The following INPP5B variants were observed in gnomAD, a reference collection of about 807,000 sequenced individuals.
INPP5B encodes inositol polyphosphate-5-phosphatase B, also known as type II inositol 1,4,5-trisphosphate 5-phosphatase.
In INPP5B, 90 loss-of-function variants were observed where a neutral mutation model predicts 118.5. The ratio of observed to expected loss-of-function variants is 0.76; its 90% confidence interval spans 0.64 to 0.90. INPP5B has a LOEUF of 0.90. Among genes scored for constraint, INPP5B ranks in the 40% least tolerant of loss-of-function variants. INPP5B has a pLI of 0.00. For missense variants in INPP5B, 984 were observed against 1,125.6 expected (o/e 0.87, Z 1.80); for synonymous variants, 385 against 418.9 (o/e 0.92, Z 0.99).
intron 1 of INPP5B, among the ~76,000 whole-genome samples, chr1:37,946,762 A>G (rs1336047489): frequency 6.6e-6 from 1 of 152,082 alleles, no homozygotes; most frequent in Non-Finnish European, 1.5e-5. Flanking sequence ...GGTTCAGGGA[A>G]CATCCCCTTA....
chr1:37,917,013 G>A (rs919542215), intron 7 of INPP5B, among the ~76,000 whole-genome samples: 8 of 150,944 alleles, frequency 5.3e-5, no homozygotes, highest in Admixed American at 3.3e-4. Context: ...GCTTGAGACC[G>A]GGCCCAGTGG....
At chr1:37,864,458 C>G (rs376588823) in intron 22 of INPP5B, 35 bp from the exon 23 acceptor site, 2 of 1,263,086 alleles carry the variant, frequency 1.6e-6, no homozygotes, top group Admixed American at 1.7e-5. Context: ...GTCTTTTGTT[C>G]ACTGAATCAT....
chr1:37,874,497 G>T (rs1184180351), intron 17 of INPP5B, among the ~76,000 whole-genome samples: 1 of 152,106 alleles, frequency 6.6e-6, no homozygotes, highest in Non-Finnish European at 1.5e-5. Flanking sequence ...GACATCTAGG[G>T]CATTAAAAAT....
Position 37,861,251 on chromosome 1 carries a change from CAG to C in INPP5B, c.*1062_*1063del, listed in dbSNP as rs1157941484. ...GCATATGCATATACACATCCTCAGA[CAG>C]AGCACTGAAAGCATCTGAGGTGGCT... On this transcript the variant is annotated 3_prime_UTR_variant, in exon 24 of 24. Coordinates refer to ENST00000373024, the MANE Select transcript of INPP5B (RefSeq NM_005540.3). 1.3e-5 allele frequency: 2 copies of C among 152,334 alleles called. No homozygotes were observed. The highest frequency in any genetic ancestry group is 4.8e-5 in the African/African-American group (2 of 41,576). The allele number at this position is 152,334 out of a possible 1,614,324, so 9.4% of individuals were successfully genotyped here.
chr1:37,866,402 T>TCACA (rs770631435), intron 21 of INPP5B, 57 bp downstream of exon 21: 11 of 680,724 alleles, frequency 1.6e-5, no homozygotes, highest in Admixed American at 5.0e-5. Context: ...TCTCTCTCTC[T>TCACA]CTCTCACACA....
chr1:37,890,000 T>A (rs1217929346), intron 8 of INPP5B, among the ~76,000 whole-genome samples: 10 of 152,182 alleles, frequency 6.6e-5, no homozygotes, highest in Admixed American at 6.5e-4. Context: ...TCTAATTCCC[T>A]CAGTTCTAAA....
At chr1:37,915,793 G>A (rs1056225456) in intron 7 of INPP5B, among the ~76,000 whole-genome samples, 1 of 152,022 alleles carries the variant, frequency 6.6e-6, no homozygotes, top group Non-Finnish European at 1.5e-5. Flanking sequence ...CATGTTTTTT[G>A]TGTTTTATAT....
intron 12 of INPP5B, 25 bp from the exon 13 acceptor site, chr1:37,885,850 T>G: frequency 1.2e-6 from 2 of 1,607,448 alleles, no homozygotes; most frequent in South Asian, 2.2e-5. Flanking sequence ...CCCAAAGAAA[T>G]CCAATTCAAA....
In INPP5B at chr1:37,878,322, C is replaced by CA. The variant is rs1305645671; in HGVS notation, c.1542dup (p.Glu515Ter). On this transcript the variant is annotated frameshift_variant and splice_region_variant, in exon 16 of 24. Coordinates refer to ENST00000373024, the MANE Select transcript of INPP5B (RefSeq NM_005540.3). LOFTEE classifies it high-confidence loss of function. ...CACCAGGCAGGAGCACGGCACTTCT[C>CA]ACTGAAATGCAAAGTCCACACTGGA... is the stretch of plus-strand genomic sequence containing the variant. 1 of 1,613,868 alleles carries CA rather than the reference C, an allele frequency of 6.2e-7. No homozygotes were observed.
chr1:37,862,350 C>A lies in INPP5B; in HGVS notation c.2707G>T (p.Glu903Ter). The change falls in exon 24 of 24, where the codon GAA becomes TAA. Residue 903 changes from glutamate to a stop codon, truncating the protein, a stop_gained. Transcript: ENST00000373024. LOFTEE classifies it high-confidence loss of function. ...LDMTEKKKAQ[E>*]FIHQFLCNPL ...TTGCAGAGGAACTGGTGAATAAATT[C>A]TTGAGCCTTCTTCTTCTCTGTCATA... 2 of 1,613,974 alleles carry A rather than the reference C, an allele frequency of 1.2e-6. No individual in the cohort carries two copies. The highest frequency in any genetic ancestry group is 1.7e-6 in the Non-Finnish European group (2 of 1,179,898).
At chr1:37,894,516 T>C (rs1243202729) in intron 7 of INPP5B, among the ~76,000 whole-genome samples, 2 of 152,114 alleles carry the variant, frequency 1.3e-5, no homozygotes, top group African/African-American at 4.8e-5. Flanking sequence ...CAATATTAAA[T>C]GCGCAATGAA....
chr1:37,879,308 T>C (rs538654528), intron 15 of INPP5B, among the ~76,000 whole-genome samples: 1 of 151,754 alleles, frequency 6.6e-6, no homozygotes, highest in East Asian at 2.0e-4. Flanking sequence ...GAACAGCCTC[T>C]GAATTCCCAC....
rs749503137 is a variant in INPP5B, at chr1:37,885,596, T to C, written c.1319+42A>G. ...TGAAAAGACAGAGCCCACAACTCTA[T>C]GTACTCATGGTGAACCGCATGGGGT... On this transcript the variant is annotated intron_variant, in intron 13 of 23. Transcript: ENST00000373024. The C allele has an allele frequency of 3.8e-6, 6 of 1,573,226 alleles. No homozygotes were observed. In the Admixed American group the frequency reaches 6.7e-5, roughly 18 times the overall value.
chr1:37,933,416 C>T (rs1318097846), intron 6 of INPP5B, among the ~76,000 whole-genome samples: 2 of 152,156 alleles, frequency 1.3e-5, no homozygotes, highest in East Asian at 1.9e-4. Context: ...GCCATGGTGG[C>T]ATGCGCCTGT....
At position 37,873,000 on chromosome 1, in the gene INPP5B, G is replaced by A; in HGVS notation, c.2117C>T (p.Ser706Phe). 6.2e-7 allele frequency: 1 copy of A among 1,614,148 alleles called. No individual in the cohort carries two copies. The highest frequency in any genetic ancestry group is 1.1e-5 in the South Asian group (1 of 91,080). ...CATGTAACACAGTGTATGAATGGGA[G>A]ACCCAAAACAGCTGGGCAGGTAGTT... ...SGNYLPSCFG[S>F]PIHTLCYMRE... Residue 706 changes from serine (S) to phenylalanine (F), a missense_variant, in exon 19 of 24, where the codon TCT (serine) becomes TTT (phenylalanine). Around this residue, in one of 2 missense-constraint regions of INPP5B, gnomAD observed 634 missense variants for 791.0 expected, o/e 0.80. Coordinates refer to ENST00000373024, the MANE Select transcript of INPP5B (RefSeq NM_005540.3).
At chr1:37,944,176 T>C (rs1646035936) in intron 3 of INPP5B, among the ~76,000 whole-genome samples, 1 of 152,144 alleles carries the variant, frequency 6.6e-6, no homozygotes, top group African/African-American at 2.4e-5. Context: ...ATTCTAGCAC[T>C]GTGTGTGACA....
At chr1:37,923,417 T>C (rs1645121092) in intron 7 of INPP5B, among the ~76,000 whole-genome samples, 1 of 152,200 alleles carries the variant, frequency 6.6e-6, no homozygotes, top group Non-Finnish European at 1.5e-5. Flanking sequence ...ACTTGACCAC[T>C]ATACTAAGGA....
Position 37,880,189 on chromosome 1 carries a change from T to TTTC in INPP5B, c.1434_1436dup (p.Lys479dup), listed in dbSNP as rs1643108738. 1 of 1,603,996 alleles carries TTTC rather than the reference T, an allele frequency of 6.2e-7. No individual in the cohort carries two copies. The highest frequency in any genetic ancestry group is 1.3e-5 in the African/African-American group (1 of 74,748). ...AGACAGTCTTTGCGGCCACCTGAAT[T>TTTC]TTCAGCTATACAAAAGGATGGGAGA... On this transcript the variant is annotated inframe_insertion, in exon 15 of 24. Transcript: ENST00000373024.
intron 7 of INPP5B, among the ~76,000 whole-genome samples, chr1:37,898,885 C>G (rs540900791): frequency 1.3e-5 from 2 of 152,034 alleles, no homozygotes; most frequent in South Asian, 2.1e-4. Context: ...TGAGTGGTAT[C>G]TATAAGACTA....
Sources: allele counts gnomAD v4.1 joint callset (sites outside exome capture counted in the v4.1 genomes callset), GRCh38; gene constraint gnomAD v4.1.1; regional missense constraint gnomAD v4.1.1; transcripts MANE v1.5; gene names NCBI Gene and HGNC (gene_info 2026-07-23, HGNC 2026-07-21).